Variants in ZBBX observed in about 807,000 individuals in gnomAD.
The protein encoded by ZBBX is zinc finger B-box domain-containing protein 1.
In ZBBX, 101 loss-of-function variants were observed where a neutral mutation model predicts 108.5. That is an observed-to-expected ratio of 0.93 (90% CI 0.79 to 1.10). The LOEUF (loss-of-function observed/expected upper bound fraction) is 1.10, where lower values mean the gene tolerates loss of function less well. Among genes scored for constraint, ZBBX ranks in the 50% least tolerant of loss-of-function variants. The pLI, the probability that ZBBX is intolerant of heterozygous loss-of-function variation, is 0.00. For synonymous variants in ZBBX, 356 were observed against 323.4 expected, an observed-to-expected ratio of 1.10 and a Z score of -1.08; for missense variants, 1,009 against 941.4, an observed-to-expected ratio of 1.07 and a Z score of -0.94.
chr3:167,205,515 G>A, the ZBBX span, among the ~76,000 whole-genome samples: 4 of 152,150 alleles, frequency 2.6e-5, no homozygotes, highest in Non-Finnish European at 5.9e-5. Flanking sequence ...ATGTACTACT[G>A]CTGACTTTAT....
the ZBBX span, among the ~76,000 whole-genome samples, chr3:167,203,737 CTTTT>C: frequency 6.8e-6 from 1 of 148,058 alleles, no homozygotes; most frequent in Non-Finnish European, 1.5e-5. Flanking sequence ...TATTTTGTTT[CTTTT>C]TATTTTATTT....
At chr3:167,397,738 T>G (rs1233027082) in intron 1 of ZBBX, among the ~76,000 whole-genome samples, 1 of 151,750 alleles carries the variant, frequency 6.6e-6, no homozygotes, top group East Asian at 1.9e-4. Flanking sequence ...TTAGAAGAAC[T>G]TTCACTTGAA....
At chr3:167,381,646 C>G (rs575348852), upstream of ZBBX, among the ~76,000 whole-genome samples, 64 of 152,282 alleles carry the variant, frequency 4.2e-4, no homozygotes, top group African/African-American at 1.4e-3. Flanking sequence ...TACAGGCGCG[C>G]TCTTCAAATT....
the ZBBX span, among the ~76,000 whole-genome samples, chr3:167,209,600 C>T: frequency 1.2e-4 from 19 of 152,286 alleles, no homozygotes; most frequent in East Asian, 3.7e-3. Flanking sequence ...AGAAAGCCTT[C>T]CCAAGAGGGA....
chr3:167,231,973 CA>C, the ZBBX span, among the ~76,000 whole-genome samples: 1 of 151,540 alleles, frequency 6.6e-6, no homozygotes, highest in Non-Finnish European at 1.5e-5. Context: ...TTCTACTTTC[CA>C]GAGAAGAAAA....
At chr3:167,204,656 G>A in the ZBBX span, among the ~76,000 whole-genome samples, 1 of 149,720 alleles carries the variant, frequency 6.7e-6, no homozygotes, top group Non-Finnish European at 1.5e-5. Flanking sequence ...GGACATTTGG[G>A]TTGGTTCCAA....
At chr3:167,365,549 T>C (rs1745188770) in intron 6 of ZBBX, among the ~76,000 whole-genome samples, 1 of 151,776 alleles carries the variant, frequency 6.6e-6, no homozygotes, top group Admixed American at 6.6e-5. Flanking sequence ...TCATTTGTTA[T>C]ATTAAATAAC....
intron 5 of ZBBX, chr3:167,366,779 C>A (rs1262028787): frequency 2.2e-6 from 1 of 453,982 alleles, no homozygotes; most frequent in East Asian, 7.0e-5. Flanking sequence ...GAAAAACTCA[C>A]TATCAGGGCT....
At chr3:167,324,147 TC>T (rs1446763624) in intron 11 of ZBBX, among the ~76,000 whole-genome samples, 2 of 151,974 alleles carry the variant, frequency 1.3e-5, no homozygotes, top group African/African-American at 2.4e-5. Flanking sequence ...CAAACAAAAT[TC>T]TTTTTTTTTT....
intron 18 of ZBBX, among the ~76,000 whole-genome samples, chr3:167,294,205 C>T (rs1416916039): frequency 6.6e-6 from 1 of 152,058 alleles, no homozygotes; most frequent in Non-Finnish European, 1.5e-5. Flanking sequence ...CTTTAAATTT[C>T]ATATGGAAAC....
chr3:167,260,846 C>T (rs939702790), intron 20 of ZBBX, among the ~76,000 whole-genome samples: 1 of 152,158 alleles, frequency 6.6e-6, no homozygotes, highest in Non-Finnish European at 1.5e-5. Context: ...GGGATTTCTT[C>T]TTGGCTTGGA....
the ZBBX span, among the ~76,000 whole-genome samples, chr3:167,208,590 T>G: frequency 2.0e-5 from 3 of 152,190 alleles, no homozygotes; most frequent in African/African-American, 7.2e-5. Context: ...AGACTTGAAA[T>G]GAAGGAATGA....
At chr3:167,388,406 A>T (rs1747985790) in intron 1 of ZBBX, among the ~76,000 whole-genome samples, 1 of 151,854 alleles carries the variant, frequency 6.6e-6, no homozygotes, top group South Asian at 2.1e-4. Context: ...CAGAGGAGTG[A>T]CAACTGATTT....
At chr3:167,317,160 T>A (rs1247055405) in intron 13 of ZBBX, 55 bp from the exon 14 acceptor site, 1 of 1,217,912 alleles carries the variant, frequency 8.2e-7, no homozygotes. Context: ...TACTTTATAA[T>A]TTCTTCAAAT....
the ZBBX span, among the ~76,000 whole-genome samples, chr3:167,213,620 T>C: frequency 6.6e-6 from 1 of 152,190 alleles, no homozygotes; most frequent in Non-Finnish European, 1.5e-5. Context: ...GAAAAACATA[T>C]TTCAGGATAT....
chr3:167,218,326 A>G, the ZBBX span, among the ~76,000 whole-genome samples: 2 of 152,318 alleles, frequency 1.3e-5, no homozygotes, highest in South Asian at 4.1e-4. Flanking sequence ...AAAACATAGA[A>G]TATTATAACA....
At chr3:167,319,099 C>T (rs942582397) in intron 12 of ZBBX, among the ~76,000 whole-genome samples, 2 of 151,882 alleles carry the variant, frequency 1.3e-5, no homozygotes, top group African/African-American at 4.8e-5. Context: ...ATCACAGTCC[C>T]AGGTATTTAC....
At chr3:167,287,851 A>T (rs1729966403) in intron 19 of ZBBX, among the ~76,000 whole-genome samples, 1 of 152,124 alleles carries the variant, frequency 6.6e-6, no homozygotes, top group African/African-American at 2.4e-5. Context: ...TTTATATCTG[A>T]CAGATTCTCA....
chr3:167,199,711 C>A, the ZBBX span, among the ~76,000 whole-genome samples: 2 of 152,098 alleles, frequency 1.3e-5, no homozygotes, highest in Non-Finnish European at 2.9e-5. Flanking sequence ...ATTCTACGGC[C>A]ATTAGATGTC....
Sources: allele counts gnomAD v4.1 joint callset (sites outside exome capture counted in the v4.1 genomes callset), GRCh38; gene constraint gnomAD v4.1.1; transcripts MANE v1.5; gene names NCBI Gene and HGNC (gene_info 2026-07-23, HGNC 2026-07-21).